ADORA1: variants seen among roughly 807,000 people sequenced by gnomAD.
ADORA1 encodes adenosine receptor A1.
Under a neutral mutation model 19.9 loss-of-function variants are expected in ADORA1, and 6 were observed. The ratio of observed to expected loss-of-function variants is 0.30; its 90% CI spans 0.17 to 0.59. ADORA1 has a LOEUF of 0.59. Among genes scored for constraint, ADORA1 ranks in the 20% least tolerant of loss-of-function variants. The pLI is 0.87. For synonymous variants in ADORA1, 194 were observed against 188.4 expected (o/e 1.03, Z -0.24); for missense variants, 302 against 439.2 (o/e 0.69, Z 2.79).
In ADORA1 at chr1:203,129,093, C is replaced by G; in HGVS notation, c.252C>G (p.Ala84=). 1 of 1,614,192 alleles carries G rather than the reference C, an allele frequency of 6.2e-7. No homozygotes were observed. Among genetic ancestry groups the G allele is most frequent in the South Asian group, 1.1e-5 (1 of 91,088 alleles). ...QTYFHTCLMV[A]CPVLILTQSS... is the part of the protein sequence containing the mutation. ...ACTTCCACACCTGCCTCATGGTTGC[C>G]TGTCCGGTCCTCATCCTCACCCAGA... The change falls in exon 3 of 4, where the codon GCC becomes GCG. Residue 84 remains alanine (A), a synonymous_variant. Coordinates refer to ENST00000337894, the MANE Select transcript of ADORA1 (RefSeq NM_000674.3).
chr1:203,143,478 C>T (rs1306607531), intron 3 of ADORA1, among the ~76,000 whole-genome samples: 1 of 152,146 alleles, frequency 6.6e-6, no homozygotes, highest in African/African-American at 2.4e-5. Flanking sequence ...CCCCCTCCCC[C>T]CACCCACCAC....
At chr1:203,133,709 G>A (rs1200828927) in intron 3 of ADORA1, among the ~76,000 whole-genome samples, 1 of 152,248 alleles carries the variant, frequency 6.6e-6, no homozygotes, top group African/African-American at 2.4e-5. Context: ...CCAGTGGGCA[G>A]TTGAGCCCTT....
chr1:203,145,756 G>A (rs1221674011), intron 3 of ADORA1, among the ~76,000 whole-genome samples: 1 of 152,220 alleles, frequency 6.6e-6, no homozygotes, highest in Non-Finnish European at 1.5e-5. Flanking sequence ...CAGTTTCAGG[G>A]GCTCATTCCT....
intron 3 of ADORA1, among the ~76,000 whole-genome samples, chr1:203,139,359 T>C (rs969121385): frequency 3.3e-5 from 5 of 152,210 alleles, no homozygotes; most frequent in African/African-American, 4.8e-5. Context: ...CTCTCCTGAT[T>C]CTTCCCATTT....
At chr1:203,161,138 G>A (rs191679964) in intron 3 of ADORA1, among the ~76,000 whole-genome samples, 2 of 152,328 alleles carry the variant, frequency 1.3e-5, no homozygotes, top group African/African-American at 4.8e-5. Flanking sequence ...CCAACACTGA[G>A]AGGTTCAATG....
chr1:203,129,211 A>C, intron 3 of ADORA1, 29 bp downstream of exon 3: 1 of 1,581,408 alleles, frequency 6.3e-7, no homozygotes, highest in South Asian at 1.2e-5. Flanking sequence ...AGGTACTCGC[A>C]GCACCACATG....
chr1:203,152,914 T>G (rs955382488), intron 3 of ADORA1, among the ~76,000 whole-genome samples: 1 of 152,116 alleles, frequency 6.6e-6, no homozygotes, highest in Non-Finnish European at 1.5e-5. Context: ...AAACATTCCA[T>G]AGGATATGCC....
At position 203,167,371 on chromosome 1, in the gene ADORA1, A is replaced by T. The variant is rs1655593294; in HGVS notation, c.*1471A>T. 1 of 152,208 alleles carries T rather than the reference A, an allele frequency of 6.6e-6. No individual in the cohort carries two copies. The highest frequency in any genetic ancestry group is 1.5e-5 in the Non-Finnish European group (1 of 68,096). 9.4% of individuals were successfully genotyped at this position (152,208 alleles called of 1,614,324 possible). ...TTGGGTGTGCCCTGGCTCCCAAGGG[A>T]GGCCCATGTGACTAATAAAAAACTG... On this transcript the variant is annotated 3_prime_UTR_variant, in exon 4 of 4. Coordinates refer to ENST00000337894, the MANE Select transcript of ADORA1 (RefSeq NM_000674.3).
Position 203,165,277 on chromosome 1 carries a change from AC to A in ADORA1, c.364del (p.Arg122GlyfsTer7). 5 of 1,578,896 alleles carry A rather than the reference AC, an allele frequency of 3.2e-6. No homozygotes were observed. The highest frequency in any genetic ancestry group is 2.3e-5 in the South Asian group (2 of 85,698). On this transcript the variant is annotated frameshift_variant, in exon 4 of 4. Transcript: ENST00000337894. LOFTEE classifies it high-confidence loss of function. This position sits in a 1 kb window ranked among gnomAD's most constrained non-coding sequence, Gnocchi z 5.9. ...KIPLRYKMVVTPRRAAVAIAG... is the reference protein window; with the variant it reads ...KIPLRYKMVVXPRRAAVAIAG... Reference sequence around the variant, plus strand: ...CTCCCCCAGGTACAAGATGGTGGTGACCCCCCGGAGGGCGGCGGTGGCCATA... The same window carrying A: ...CTCCCCCAGGTACAAGATGGTGGTGACCCCCGGAGGGCGGCGGTGGCCATA...
intron 3 of ADORA1, among the ~76,000 whole-genome samples, chr1:203,147,725 A>G (rs930500010): frequency 1.3e-5 from 2 of 152,230 alleles, no homozygotes; most frequent in Non-Finnish European, 2.9e-5. Flanking sequence ...ATAAAACCAC[A>G]GTCCCTGTCC....
chr1:203,137,832 C>A (rs1654560261), intron 3 of ADORA1, among the ~76,000 whole-genome samples: 1 of 152,126 alleles, frequency 6.6e-6, no homozygotes, highest in African/African-American at 2.4e-5. Context: ...CAAAAGGCAA[C>A]CTCTATTTTG....
intron 3 of ADORA1, among the ~76,000 whole-genome samples, chr1:203,158,005 T>G (rs1243442928): frequency 6.6e-6 from 1 of 152,250 alleles, no homozygotes; most frequent in Non-Finnish European, 1.5e-5. Context: ...CTGGCTTCCT[T>G]CTATCCATAT....
Position 203,127,910 on chromosome 1 carries a change from C to A in ADORA1, c.-231C>A, listed in dbSNP as rs1654201100. 1 of 156,184 alleles carries A rather than the reference C, an allele frequency of 6.4e-6. No individual in the cohort carries two copies. Among genetic ancestry groups the A allele is most frequent in the Admixed American group, 6.4e-5 (1 of 15,664 alleles). The allele number at this position is 156,184 out of a possible 1,614,324, so 9.7% of individuals were successfully genotyped here. A position where few individuals can be genotyped will look rare whatever the true frequency, so the allele number is the denominator to read the frequency against. On this transcript the variant is annotated 5_prime_UTR_variant, in exon 1 of 4. Coordinates refer to ENST00000337894, the MANE Select transcript of ADORA1 (RefSeq NM_000674.3). ...AACAGTCAGGCAGCCGGGAGCTCTG[C>A]CAGCTTTGGTGACCTTGGGTAAGTC...
At position 203,149,281 on chromosome 1, in the gene ADORA1, ACAT is replaced by A. The variant is rs1219589385; in HGVS notation, c.342-15976_342-15974del. On this transcript the variant is annotated intron_variant, in intron 3 of 3. Transcript: ENST00000337894. The stretch of plus-strand genomic sequence containing the variant: ...TGATAAGCTTCTTCCTCCCCCACAC[ACAT>A]CATGAGTTTCCCCCATCCAGGGTTG... Among the ~76,000 whole-genome samples, 4 of 152,316 alleles carry A rather than the reference ACAT, an allele frequency of 2.6e-5. No homozygotes were observed. In the East Asian group the frequency reaches 7.7e-4, roughly 29 times the overall value.
At chr1:203,145,205 A>G (rs1239984353) in intron 3 of ADORA1, 1 of 152,274 alleles carries the variant, frequency 6.6e-6, no homozygotes, top group African/African-American at 2.4e-5. Context: ...ATTCTCCACA[A>G]CTCCAAGGCC....
intron 3 of ADORA1, among the ~76,000 whole-genome samples, chr1:203,164,732 T>C (rs945708106): frequency 3.3e-5 from 5 of 152,200 alleles, no homozygotes; most frequent in African/African-American, 1.2e-4. Context: ...GGATGGTTTG[T>C]TAATCACTTG....
rs1388307102 is a variant in ADORA1 at position 203,128,326 on chromosome 1, C to A, written c.-164C>A. On this transcript the variant is annotated 5_prime_UTR_variant, in exon 2 of 4. Coordinates refer to ENST00000337894, the MANE Select transcript of ADORA1 (RefSeq NM_000674.3). The surrounding 1 kb of genome is among the most constrained non-coding windows in gnomAD (Gnocchi z 5.9). ...GGAGCCGGAGGACTATGAGCTGCCG[C>A]GCGTTGTCCAGAGCCCAGCCCAGCC... 7 of 1,287,416 alleles carry A rather than the reference C, an allele frequency of 5.4e-6. No homozygotes were observed. The highest frequency in any genetic ancestry group is 7.1e-6 in the Non-Finnish European group (7 of 987,420). 79.7% of individuals were successfully genotyped at this position (1,287,416 alleles called of 1,614,324 possible).
intron 3 of ADORA1, chr1:203,150,902 A>C (rs553191393): frequency 2.5e-4 from 233 of 932,360 alleles, no homozygotes; most frequent in Admixed American, 3.1e-4. Flanking sequence ...CAGTGACAGC[A>C]GCTGCCTCCT....
chr1:203,163,251 A>G (rs185259550), intron 3 of ADORA1, among the ~76,000 whole-genome samples: 12 of 152,294 alleles, frequency 7.9e-5, no homozygotes, highest in South Asian at 2.1e-4. Context: ...TCGGATGTTT[A>G]CAGAGTACTT....
Sources: gnomAD v4.1 joint callset for allele counts (sites outside exome capture counted in the v4.1 genomes callset) on GRCh38, gnomAD v4.1.1 for gene constraint, Gnocchi (gnomAD v3.1) non-coding constraint, MANE v1.5 for transcripts, NCBI Gene and HGNC (gene_info 2026-07-23, HGNC 2026-07-21) for gene names.